The following MICAL3 variants were observed in gnomAD, a reference collection of about 807,000 sequenced individuals.
MICAL3 encodes [F-actin]-monooxygenase MICAL3.
In MICAL3, 62 loss-of-function variants were observed where a neutral mutation model predicts 207.4. The observed-to-expected ratio is 0.30, with a 90% CI of 0.24 to 0.37. The LOEUF (loss-of-function observed/expected upper bound fraction) is 0.37, where lower values mean the gene tolerates loss of function less well. Ranked by LOEUF, MICAL3 falls within the 10% of genes least tolerant of loss-of-function variation. MICAL3 has a pLI of 1.00. For synonymous variants in MICAL3, 1,077 were observed against 1,069.3 expected, an observed-to-expected ratio of 1.01 and a Z score of -0.14; for missense variants, 2,368 against 2,635.6, an observed-to-expected ratio of 0.90 and a Z score of 2.22.
At chr22:17,826,466 T>C (rs1922201939) in intron 22 of MICAL3, 2 of 985,732 alleles carry the variant, frequency 2.0e-6, no homozygotes, top group South Asian at 4.7e-5. Flanking sequence ...CCGGAGACCG[T>C]CTCCAGCCAG....
At position 18,024,474 on chromosome 22, in the gene MICAL3, C is replaced by G. The variant is rs2043530865; in HGVS notation, c.-268G>C. The G allele has an allele frequency of 6.6e-6, 1 of 152,016 alleles. No homozygotes were observed. Among genetic ancestry groups the G allele is most frequent in the South Asian group, 2.1e-4 (1 of 4,832 alleles). The allele number at this position is 152,016 out of a possible 1,614,324, so 9.4% of individuals were successfully genotyped here. ...AGGGCCCAGGGGTTCTCAGGCCGCG[C>G]GGCGAGGACGGAGGGCTGCCCCGGG... On this transcript the variant is annotated 5_prime_UTR_variant, in exon 1 of 32. Coordinates refer to ENST00000441493, the MANE Select transcript of MICAL3 (RefSeq NM_015241.3).
intron 1 of MICAL3, among the ~76,000 whole-genome samples, chr22:17,959,806 T>C (rs1007777380): frequency 6.9e-6 from 1 of 144,794 alleles, no homozygotes; most frequent in Non-Finnish European, 1.5e-5. Flanking sequence ...GACAGAAAAA[T>C]AAAGGCAAAT....
At chr22:17,915,253 C>G (rs1230348828) in intron 1 of MICAL3, among the ~76,000 whole-genome samples, 1 of 152,236 alleles carries the variant, frequency 6.6e-6, no homozygotes, top group Non-Finnish European at 1.5e-5. Context: ...ACCATGTACT[C>G]AGTTCCAGGC....
chr22:17,857,221 G>A (rs1345273242), intron 19 of MICAL3, among the ~76,000 whole-genome samples: 2 of 152,334 alleles, frequency 1.3e-5, no homozygotes, highest in African/African-American at 2.4e-5. Flanking sequence ...CATAGCAGGA[G>A]GGGAGTGGCT....
At position 17,818,113 on chromosome 22, in the gene MICAL3, G is replaced by A. The variant is rs11704809; in HGVS notation, c.4548C>T (p.Ser1516=). Residue 1516 remains serine (S), a synonymous_variant, in exon 26 of 32, where the codon AGC becomes AGT. Transcript: ENST00000441493. ...REEVRKSFVE[S]VEEIPFADDV... Reference sequence around the variant, plus strand: ...CATCAGCAAAGGGAATCTCCTCCACGCTCTCCACAAACGACTTCCGCACCT... The same window carrying A: ...CATCAGCAAAGGGAATCTCCTCCACACTCTCCACAAACGACTTCCGCACCT... 481,253 of 1,610,766 alleles carry A rather than the reference G, an allele frequency of 0.3. 76,966 individuals carry two copies. The highest frequency in any genetic ancestry group is 0.33 in the Non-Finnish European group (392,329 of 1,178,528).
intron 30 of MICAL3, 25 bp from the exon 31 acceptor site, chr22:17,791,096 A>G (rs2061819381): frequency 1.2e-6 from 2 of 1,608,710 alleles, no homozygotes; most frequent in Non-Finnish European, 1.7e-6. Context: ...CAGGAGGGAG[A>G]CAAGCCACAG....
At chr22:17,956,608 G>A (rs1414061979) in intron 1 of MICAL3, among the ~76,000 whole-genome samples, 1 of 152,194 alleles carries the variant, frequency 6.6e-6, no homozygotes, top group Non-Finnish European at 1.5e-5. Context: ...GGCAGAGGTT[G>A]CCGTGAGCCA....
Position 17,896,837 on chromosome 22 carries a change from C to T in MICAL3, c.1093G>A (p.Asp365Asn), listed in dbSNP as rs1376494646. 1.9e-6 allele frequency: 3 copies of T among 1,614,122 alleles called. No individual in the cohort carries two copies. The highest frequency in any genetic ancestry group is 2.5e-6 in the Non-Finnish European group (3 of 1,180,034). The change falls in exon 8 of 32, where the codon GAT (aspartate) becomes AAT (asparagine). Residue 365 changes from aspartate (D) to asparagine (N), a missense_variant. By Grantham distance (23) the Asp-to-Asn change is conservative. Transcript: ENST00000441493. ...DFAINHYGQP[D>N]VAMFDFTCMY... Reference sequence around the variant, plus strand: ...CAAGTGAAGTCAAACATGGCCACATCGGGCTGCCCATAGTGATTGATGGCA... The same window carrying T: ...CAAGTGAAGTCAAACATGGCCACATTGGGCTGCCCATAGTGATTGATGGCA...
intron 19 of MICAL3, chr22:17,860,241 C>T: frequency 2.0e-6 from 2 of 984,814 alleles, no homozygotes; most frequent in Non-Finnish European, 2.4e-6. Flanking sequence ...CTTGGTTTCA[C>T]AGTCAACGGC....
At chr22:17,858,950 T>C (rs1288653245) in intron 19 of MICAL3, among the ~76,000 whole-genome samples, 1 of 152,174 alleles carries the variant, frequency 6.6e-6, no homozygotes, top group African/African-American at 2.4e-5. Context: ...CTTAGTTAAT[T>C]TGTCACTTAT....
intron 1 of MICAL3, among the ~76,000 whole-genome samples, chr22:17,928,366 G>A (rs1327930771): frequency 2.6e-5 from 4 of 152,060 alleles, no homozygotes; most frequent in South Asian, 2.1e-4. Flanking sequence ...GTGAACCCGG[G>A]AGGCGGAGCT....
At chr22:17,906,982 G>A (rs150078985) in intron 1 of MICAL3, 96 bp from the exon 2 acceptor site, 30 of 640,100 alleles carry the variant, frequency 4.7e-5, no homozygotes, top group Admixed American at 1.8e-4. Flanking sequence ...CTAAAGTGTC[G>A]CAGTCATCCA....
intron 1 of MICAL3, among the ~76,000 whole-genome samples, chr22:17,935,111 G>A (rs558848412): frequency 9.2e-5 from 14 of 152,200 alleles, no homozygotes; most frequent in South Asian, 6.2e-4. Context: ...AAAAGAGCCC[G>A]CATTGCCAAG....
rs907931232 is a variant in MICAL3, at chr22:17,796,064, C to T, written c.5651-4763G>A. Among the ~76,000 whole-genome samples, 2 of 152,198 alleles carry T rather than the reference C, an allele frequency of 1.3e-5. No homozygotes were observed. Among genetic ancestry groups the T allele is most frequent in the Admixed American group, 6.5e-5 (1 of 15,286 alleles). On this transcript the variant is annotated intron_variant, in intron 29 of 31. Transcript: ENST00000441493. The surrounding 1 kb of genome is among the most constrained non-coding windows in gnomAD (Gnocchi z 4.4). ...GTAACGGGTTTCCATCTGTTGCTAA[C>T]AGGTGCTATAATTTACCACTTCTCA...
Position 18,007,241 on chromosome 22 carries a change from C to T in MICAL3, c.-75+17040G>A, listed in dbSNP as rs140643687. The T allele has an allele frequency of 1.1e-4, 16 of 152,226 alleles. No homozygotes were observed. The East Asian group carries it at 1.7e-3, about 17-fold the overall frequency. The allele number at this position is 152,226 out of a possible 1,614,324, so 9.4% of individuals were successfully genotyped here. The stretch of plus-strand genomic sequence containing the variant: ...AAAAAATAAAAATACCCATTACGTT[C>T]ACCAGCATATCATTGTTACCATTTT... On this transcript the variant is annotated intron_variant, in intron 1 of 31. Transcript: ENST00000441493.
chr22:17,976,371 G>T (rs1935630928), intron 1 of MICAL3, among the ~76,000 whole-genome samples: 1 of 151,804 alleles, frequency 6.6e-6, no homozygotes, highest in Non-Finnish European at 1.5e-5. Context: ...GATTTTCTTG[G>T]CTTTTGCTTA....
intron 16 of MICAL3, among the ~76,000 whole-genome samples, chr22:17,880,077 C>T (rs1005744080): frequency 5.1e-4 from 77 of 152,280 alleles, no homozygotes; most frequent in African/African-American, 1.7e-3. Context: ...CTTACAGCCA[C>T]GTGCGGGTGG....
At chr22:17,819,732 G>A (rs1422980983) in intron 25 of MICAL3, among the ~76,000 whole-genome samples, 1 of 151,940 alleles carries the variant, frequency 6.6e-6, no homozygotes, top group Non-Finnish European at 1.5e-5. Context: ...GAGGTCAGGA[G>A]ATCGAGACCA....
intron 1 of MICAL3, among the ~76,000 whole-genome samples, chr22:17,963,670 A>T (rs993706485): frequency 6.6e-6 from 1 of 152,124 alleles, no homozygotes; most frequent in Non-Finnish European, 1.5e-5. Context: ...AAGCCATAGG[A>T]GTCACCACAA....
Sources: gnomAD v4.1 joint callset for allele counts (sites outside exome capture counted in the v4.1 genomes callset) on GRCh38, gnomAD v4.1.1 for gene constraint, Gnocchi (gnomAD v3.1) non-coding constraint, MANE v1.5 for transcripts, NCBI Gene and HGNC (gene_info 2026-07-23, HGNC 2026-07-21) for gene names.